The following HS3ST4 variants were observed in gnomAD, a reference collection of about 807,000 sequenced individuals.
HS3ST4 encodes heparan sulfate-glucosamine 3-sulfotransferase 4, also known as heparan sulfate glucosamine 3-O-sulfotransferase 4.
HS3ST4 carries 17 observed loss-of-function variants against 29.2 expected under a neutral mutation model. The ratio of observed to expected loss-of-function variants is 0.58; its 90% CI spans 0.40 to 0.87. The LOEUF is 0.87. Among genes scored for constraint, HS3ST4 ranks in the 40% least tolerant of loss-of-function variants. HS3ST4 has a pLI of 0.00. For missense variants in HS3ST4, 627 were observed against 634.5 expected (o/e 0.99, Z 0.13); for synonymous variants, 314 against 285.7 (o/e 1.10, Z -1.00).
chr16:25,910,136 G>A (rs1255139432), intron 1 of HS3ST4, among the ~76,000 whole-genome samples: 2 of 152,172 alleles, frequency 1.3e-5, no homozygotes, highest in African/African-American at 4.8e-5. Flanking sequence ...CTGTAAAATG[G>A]GATCTCATGT....
chr16:26,050,846 A>G (rs975471556), intron 1 of HS3ST4, among the ~76,000 whole-genome samples: 2 of 152,206 alleles, frequency 1.3e-5, no homozygotes, highest in African/African-American at 4.8e-5. Flanking sequence ...AGTGCCATTC[A>G]GAGAATCCTT....
At chr16:25,893,922 A>G (rs1222574982) in intron 1 of HS3ST4, among the ~76,000 whole-genome samples, 1 of 152,148 alleles carries the variant, frequency 6.6e-6, no homozygotes, top group African/African-American at 2.4e-5. Flanking sequence ...CTTCTTCACT[A>G]CTTATCAGGC....
chr16:25,742,816 C>T (rs762827210), intron 1 of HS3ST4, among the ~76,000 whole-genome samples: 1 of 152,212 alleles, frequency 6.6e-6, no homozygotes, highest in Non-Finnish European at 1.5e-5. Flanking sequence ...TTCATAACTT[C>T]CGTTGTCACA....
intron 1 of HS3ST4, among the ~76,000 whole-genome samples, chr16:25,700,904 A>G (rs1348846022): frequency 1.3e-5 from 2 of 152,212 alleles, no homozygotes; most frequent in African/African-American, 4.8e-5. Context: ...TTATTTAAGA[A>G]TATACAAGGA....
chr16:25,918,001 C>T (rs1044303125), intron 1 of HS3ST4, among the ~76,000 whole-genome samples: 22 of 152,256 alleles, frequency 1.4e-4, no homozygotes, highest in African/African-American at 5.3e-4. Flanking sequence ...TATGATCAGG[C>T]TAACGCATCT....
At chr16:25,800,076 TCCTTCCTTCCTTCCTG>T (rs1311545271) in intron 1 of HS3ST4, among the ~76,000 whole-genome samples, 1,705 of 150,436 alleles carry the variant, frequency 0.011, 15 homozygotes, top group East Asian at 0.016. Context: ...CTTCCTTCCT[TCCTTCCTTCCTTCCTG>T]CCTTCCTTCC....
intron 1 of HS3ST4, among the ~76,000 whole-genome samples, chr16:25,704,875 A>T (rs1392483563): frequency 1.5e-5 from 2 of 130,114 alleles, no homozygotes; most frequent in African/African-American, 5.7e-5. Flanking sequence ...GCAAAACTCC[A>T]TCTCAAAAAA....
Position 25,710,782 on chromosome 16 carries a change from C to T in HS3ST4, c.734+17631C>T, listed in dbSNP as rs565073512. 2.7e-5 allele frequency among the ~76,000 whole-genome samples: 4 copies of T among 145,872 alleles called. No individual in the cohort carries two copies. The South Asian group carries it at 8.9e-4, about 33-fold the overall frequency. ...GTTAAGTTTTGTGATTTCTAATTTC[C>T]AGCAGTTGTGCTTTTGCATATTATC... On this transcript the variant is annotated intron_variant, in intron 1 of 1. Transcript: ENST00000331351.
At chr16:25,806,495 T>G (rs1036798452) in intron 1 of HS3ST4, among the ~76,000 whole-genome samples, 1 of 152,188 alleles carries the variant, frequency 6.6e-6, no homozygotes, top group Non-Finnish European at 1.5e-5. Context: ...GTGCCAACCG[T>G]GTGCACTTGT....
At chr16:25,823,083 A>T (rs1255167020) in intron 1 of HS3ST4, among the ~76,000 whole-genome samples, 3 of 152,084 alleles carry the variant, frequency 2.0e-5, no homozygotes, top group Admixed American at 2.0e-4. Flanking sequence ...TTAGAAAGGG[A>T]CCTGCAATTC....
At chr16:25,887,358 G>T (rs1037813410) in intron 1 of HS3ST4, among the ~76,000 whole-genome samples, 2 of 152,110 alleles carry the variant, frequency 1.3e-5, no homozygotes, top group Non-Finnish European at 2.9e-5. Flanking sequence ...CCTGGTGGGT[G>T]TCTAAAGCTT....
chr16:26,119,249 G>C (rs1413075474), intron 1 of HS3ST4, among the ~76,000 whole-genome samples: 1 of 152,216 alleles, frequency 6.6e-6, no homozygotes, highest in East Asian at 1.9e-4. Flanking sequence ...CTCTTGCTCA[G>C]TGTGGGTAAT....
At chr16:26,072,084 A>G (rs1474234981) in intron 1 of HS3ST4, among the ~76,000 whole-genome samples, 1 of 152,158 alleles carries the variant, frequency 6.6e-6, no homozygotes, top group Non-Finnish European at 1.5e-5. Flanking sequence ...TAGTTTGAGA[A>G]AGTCAGCAGA....
rs139386258 is a variant in HS3ST4 at position 25,812,867 on chromosome 16, G to A, written c.734+119716G>A. On this transcript the variant is annotated intron_variant, in intron 1 of 1. Transcript: ENST00000331351. ...TAGGTGTGCACCACCTTGCCCAGCT[G>A]GTATTTCTTAAATTGTTAAGCAGGA... is the stretch of plus-strand genomic sequence containing the variant. 1.4e-3 allele frequency among the ~76,000 whole-genome samples: 208 copies of A among 152,120 alleles called. 1 individual carries two copies. In the Middle Eastern group the frequency reaches 0.017, roughly 13 times the overall value.
chr16:26,036,276 G>C (rs1217443419), intron 1 of HS3ST4, among the ~76,000 whole-genome samples: 1 of 152,232 alleles, frequency 6.6e-6, no homozygotes, highest in African/African-American at 2.4e-5. Context: ...TCTATTCATG[G>C]ATTGGGGGAA....
intron 1 of HS3ST4, among the ~76,000 whole-genome samples, chr16:25,712,346 A>T (rs539380698): frequency 6.6e-6 from 1 of 152,166 alleles, no homozygotes. Flanking sequence ...ACATAGTGAA[A>T]CTCCATCTCT....
chr16:25,798,312 A>G (rs115750221), intron 1 of HS3ST4, among the ~76,000 whole-genome samples: 89 of 152,258 alleles, frequency 5.8e-4, no homozygotes, highest in African/African-American at 2.0e-3. Context: ...ATCAGCCCCA[A>G]ATCTCTGGCT....
Position 25,771,880 on chromosome 16 carries a change from T to C in HS3ST4, c.734+78729T>C, listed in dbSNP as rs538965179. Among the ~76,000 whole-genome samples the C allele has an allele frequency of 2.0e-5, 3 of 152,320 alleles. No individual in the cohort carries two copies. The South Asian group carries it at 6.2e-4, about 32-fold the overall frequency. On this transcript the variant is annotated intron_variant, in intron 1 of 1. Coordinates refer to ENST00000331351, the MANE Select transcript of HS3ST4 (RefSeq NM_006040.3). ...ACATACTGTAGGAGCTCAATGCATT[T>C]TTATGGATGGCTTCTTATCTTTCTG...
chr16:25,763,593 A>C (rs1966801797), intron 1 of HS3ST4, among the ~76,000 whole-genome samples: 1 of 152,312 alleles, frequency 6.6e-6, no homozygotes, highest in Non-Finnish European at 1.5e-5. Flanking sequence ...AGGAAGAAGA[A>C]GGGTTAGCCA....
Sources: allele counts gnomAD v4.1 joint callset (sites outside exome capture counted in the v4.1 genomes callset), GRCh38; gene constraint gnomAD v4.1.1; transcripts MANE v1.5; gene names NCBI Gene and HGNC (gene_info 2026-07-23, HGNC 2026-07-21).